Variants in UGT2B7 observed in about 807,000 individuals in gnomAD.
UGT2B7 encodes the protein UDP-glucuronosyltransferase 2B7.
A neutral mutation model predicts 51.9 loss-of-function variants in UGT2B7; 51 were observed. That is an observed-to-expected ratio of 0.98 (90% CI 0.78 to 1.24). UGT2B7 has a LOEUF of 1.24. UGT2B7 is among the 50% of genes most tolerant of loss of function. UGT2B7 has a pLI of 0.00. For synonymous variants in UGT2B7, 225 were observed against 211.6 expected, an observed-to-expected ratio of 1.06 and a Z score of -0.55; for missense variants, 727 against 628.4, an observed-to-expected ratio of 1.16 and a Z score of -1.68.
At chr4:69,101,793 C>T (rs942546222) in intron 2 of UGT2B7, among the ~76,000 whole-genome samples, 4 of 152,050 alleles carry the variant, frequency 2.6e-5, no homozygotes, top group Admixed American at 2.0e-4. Flanking sequence ...TATTGGACAA[C>T]GCAAGTCAGA....
chr4:69,092,196 C>T (rs1719100212), upstream of UGT2B7, among the ~76,000 whole-genome samples: 1 of 152,174 alleles, frequency 6.6e-6, no homozygotes, highest in Non-Finnish European at 1.5e-5. Context: ...CATCTTGCCT[C>T]CCAAAGTTCT....
rs1355830142 is a variant in UGT2B7 at position 69,102,792 on chromosome 4, A to G, written c.871-15A>G. ...CTAATACTCTTTTGTGATGAAGCAA[A>G]TTCTTTCTTCACAGGAAATGGAAGA... On this transcript the variant is annotated splice_polypyrimidine_tract_variant and intron_variant, in intron 2 of 5. Coordinates refer to ENST00000305231, the MANE Select transcript of UGT2B7 (RefSeq NM_001074.4). 1.2e-6 allele frequency: 2 copies of G among 1,610,374 alleles called. No homozygotes were observed. The highest frequency in any genetic ancestry group is 1.7e-6 in the Non-Finnish European group (2 of 1,178,840).
At position 69,108,256 on chromosome 4, in the gene UGT2B7, T is replaced by C. The variant is rs144232904; in HGVS notation, c.1244T>C (p.Val415Ala). ...HMKARGAAVRVDFNTMSSTDL... is the reference protein window; with the variant it reads ...HMKARGAAVRADFNTMSSTDL... ...AAGGCCAGGGGAGCAGCTGTTAGAG[T>C]GGACTTCAACACAATGTCGAGTACA... is the stretch of plus-strand genomic sequence containing the variant. Residue 415 changes from valine (V) to alanine (A), a missense_variant, in exon 5 of 6, where the codon GTG (valine) becomes GCG (alanine). Coordinates refer to ENST00000305231, the MANE Select transcript of UGT2B7 (RefSeq NM_001074.4). 4 of 1,613,454 alleles carry C rather than the reference T, an allele frequency of 2.5e-6. No individual in the cohort carries two copies. Among genetic ancestry groups the C allele is most frequent in the African/African-American group, 1.3e-5 (1 of 74,830 alleles).
At chr4:69,098,888 A>G (rs1030176895) in intron 2 of UGT2B7, among the ~76,000 whole-genome samples, 200 bp downstream of exon 2, 1 of 151,930 alleles carries the variant, frequency 6.6e-6, no homozygotes, top group African/African-American at 2.4e-5. Context: ...ACAAATAGAG[A>G]GGAATACTAA....
At position 69,066,772 on chromosome 4, in the gene UGT2B7, G is replaced by T. The variant is rs115536709; in HGVS notation, c.-159+15170G>T. On this transcript the variant is annotated intron_variant, in intron 1 of 5. Transcript: ENST00000502942. ...CAAAATTTTTTTTCAATAATTTTCT[G>T]GGTTGTCTGTCTCCTAATTCAATCA... Among the ~76,000 whole-genome samples, 336 of 151,916 alleles carry T rather than the reference G, an allele frequency of 2.2e-3. 1 individual carries two copies. The highest frequency in any genetic ancestry group is 7.7e-3 in the African/African-American group (321 of 41,424).
intron 2 of UGT2B7, among the ~76,000 whole-genome samples, chr4:69,089,925 C>T (rs56217918): frequency 0.58 from 87,154 of 151,432 alleles, 26,025 homozygotes; most frequent in African/African-American, 0.71. Flanking sequence ...AATAAAAAAA[C>T]CCTGAAGTGT....
At chr4:69,100,999 G>A (rs1006863195) in intron 2 of UGT2B7, among the ~76,000 whole-genome samples, 1 of 151,944 alleles carries the variant, frequency 6.6e-6, no homozygotes, top group Non-Finnish European at 1.5e-5. Flanking sequence ...AAACATTATG[G>A]AAAATATTCA....
At chr4:69,070,934 A>G (rs980556534) in intron 1 of UGT2B7, among the ~76,000 whole-genome samples, 1 of 152,104 alleles carries the variant, frequency 6.6e-6, no homozygotes, top group African/African-American at 2.4e-5. Context: ...TTTTCTCTTG[A>G]AAATTTTCTT....
chr4:69,105,594 A>T (rs982357972), intron 3 of UGT2B7, among the ~76,000 whole-genome samples: 1 of 152,160 alleles, frequency 6.6e-6, no homozygotes, highest in Non-Finnish European at 1.5e-5. Context: ...AGCAAGATAC[A>T]ATTTTGAGTT....
chr4:69,079,040 G>A (rs1718777940), intron 1 of UGT2B7, among the ~76,000 whole-genome samples: 1 of 152,162 alleles, frequency 6.6e-6, no homozygotes, highest in Admixed American at 6.5e-5. Context: ...GGTGGAGCAT[G>A]CTCTGCTGTT....
At chr4:69,060,832 C>G (rs1401198653) in intron 1 of UGT2B7, among the ~76,000 whole-genome samples, 7 of 152,148 alleles carry the variant, frequency 4.6e-5, no homozygotes, top group Non-Finnish European at 7.4e-5. Context: ...AACTCAATAC[C>G]AAGGGCTCCT....
At chr4:69,058,225 C>G (rs1178158863) in intron 1 of UGT2B7, among the ~76,000 whole-genome samples, 1 of 152,116 alleles carries the variant, frequency 6.6e-6, no homozygotes, top group Non-Finnish European at 1.5e-5. Flanking sequence ...AGGGAAGAGA[C>G]CCTTCCTCCA....
At chr4:69,086,699 C>T (rs1718967857) in intron 1 of UGT2B7, among the ~76,000 whole-genome samples, 1 of 151,840 alleles carries the variant, frequency 6.6e-6, no homozygotes, top group Non-Finnish European at 1.5e-5. Context: ...TTCTGTTGCT[C>T]TATGGAGCTC....
At chr4:69,064,033 A>AC (rs1718417545) in intron 1 of UGT2B7, among the ~76,000 whole-genome samples, 4 of 87,324 alleles carry the variant, frequency 4.6e-5, no homozygotes, top group African/African-American at 2.0e-4. Flanking sequence ...AGAAAGAAAG[A>AC]AAGAAAGAAA....
chr4:69,083,279 T>C (rs928478302), intron 1 of UGT2B7, among the ~76,000 whole-genome samples: 5 of 152,152 alleles, frequency 3.3e-5, no homozygotes, highest in Admixed American at 6.6e-5. Context: ...AATAAAGGTG[T>C]AAATTTACTT....
intron 3 of UGT2B7, among the ~76,000 whole-genome samples, chr4:69,106,113 A>G (rs141673678): frequency 1.9e-3 from 293 of 152,218 alleles, no homozygotes; most frequent in Middle Eastern, 3.4e-3. Flanking sequence ...TTTTATTTGT[A>G]ACTTTTATTT....
intron 1 of UGT2B7, among the ~76,000 whole-genome samples, chr4:69,064,492 C>A (rs114950957): frequency 0.012 from 1,805 of 152,310 alleles, 35 homozygotes; most frequent in African/African-American, 0.041. Context: ...CAAACCAGTG[C>A]AAGGCTCTTT....
In UGT2B7 at chr4:69,054,975, A is replaced by G. The variant is rs1718143844; in HGVS notation, c.-159+3373A>G. ...ACTCCAAAAGGAACTTGTTTGTACA[A>G]TAACACTCAGTACAAAGTATGTAAT... On this transcript the variant is annotated intron_variant, in intron 1 of 5. Transcript: ENST00000502942. 1.1e-4 allele frequency among the ~76,000 whole-genome samples: 17 copies of G among 152,076 alleles called. No individual in the cohort carries two copies. In the South Asian group the frequency reaches 3.5e-3, roughly 32 times the overall value.
chr4:69,080,221 A>G (rs572187145), intron 1 of UGT2B7, among the ~76,000 whole-genome samples: 2 of 152,244 alleles, frequency 1.3e-5, no homozygotes, highest in East Asian at 3.9e-4. Context: ...AATATTGTGA[A>G]ATATGAAATA....
Sources: gnomAD v4.1 joint callset for allele counts (sites outside exome capture counted in the v4.1 genomes callset) on GRCh38, gnomAD v4.1.1 for gene constraint, MANE v1.5 for transcripts, NCBI Gene and HGNC (gene_info 2026-07-23, HGNC 2026-07-21) for gene names.